The following KLHL31 variants were observed in gnomAD, a reference collection of about 807,000 sequenced individuals.
KLHL31 encodes kelch like family member 31, also known as kelch-like protein 31.
In KLHL31, 32 loss-of-function variants were observed where a neutral mutation model predicts 47.1. That is an observed-to-expected ratio of 0.68 (90% CI 0.51 to 0.91). The LOEUF (loss-of-function observed/expected upper bound fraction) is 0.91, where lower values mean the gene tolerates loss of function less well. Ranked by LOEUF, KLHL31 falls within the 40% of genes least tolerant of loss-of-function variation. KLHL31 has a pLI of 0.00. For synonymous variants in KLHL31, 330 were observed against 325.1 expected (o/e 1.01, Z -0.16); for missense variants, 797 against 819.3 (o/e 0.97, Z 0.33).
intron 1 of KLHL31, among the ~76,000 whole-genome samples, chr6:53,656,103 A>C (rs764443646): frequency 2.0e-4 from 30 of 152,108 alleles, no homozygotes; most frequent in Admixed American, 3.9e-4. Context: ...GAAACCTGTT[A>C]TATTTTAAGA....
rs916938955 is a variant in KLHL31, at chr6:53,651,781, G to C, written c.1722C>G (p.Asn574Lys). The change falls in exon 3 of 3, where the codon AAC (asparagine) becomes AAG (lysine). Residue 574 changes from asparagine to lysine, a missense_variant. Asn to Lys is a moderately conservative substitution (Grantham distance 94). Transcript: ENST00000370905. ...ACTTCTTGTACTTCTTCTCGCCCTC[G>C]TTCCAGCCCCCCACCAGGTAGGCGC... ...HGRAYLVGGWNEGEKKYKKCI... is the reference protein window; with the variant it reads ...HGRAYLVGGWKEGEKKYKKCI... 1 of 1,613,758 alleles carries C rather than the reference G, an allele frequency of 6.2e-7. No individual in the cohort carries two copies.
rs529410338 is a variant in KLHL31, at chr6:53,649,759, C to G, written c.*1839G>C. 2 of 152,258 alleles carry G rather than the reference C, an allele frequency of 1.3e-5. No homozygotes were observed. Among genetic ancestry groups the G allele is most frequent in the South Asian group, 4.1e-4 (2 of 4,826 alleles). The allele number at this position is 152,258 out of a possible 1,614,324, so 9.4% of individuals were successfully genotyped here. On this transcript the variant is annotated 3_prime_UTR_variant, in exon 3 of 3. Coordinates refer to ENST00000370905, the MANE Select transcript of KLHL31 (RefSeq NM_001003760.5). ...CTTTTCTCCAAAAATTAACCATATA[C>G]TATAGGCTTCTCAGTTGTATGAGTG...
chr6:53,660,201 T>TTA (rs925096946), intron 1 of KLHL31, among the ~76,000 whole-genome samples: 4 of 152,024 alleles, frequency 2.6e-5, no homozygotes. Flanking sequence ...ATACATATAT[T>TTA]TATATATATG....
chr6:53,655,232 T>A lies in KLHL31; in HGVS notation c.41A>T (p.Asp14Val), dbSNP rs748693571. 1 of 1,586,832 alleles carries A rather than the reference T, an allele frequency of 6.3e-7. No individual in the cohort carries two copies. Among genetic ancestry groups the A allele is most frequent in the South Asian group, 1.2e-5 (1 of 86,504 alleles). Residue 14 changes from aspartate to valine, a missense_variant, in exon 2 of 3, where the codon GAT (aspartate) becomes GTT (valine). Transcript: ENST00000370905. ...TACGATTATAGTCATCTCATTGATATCTCCTTTGTTCTTTTTGACAATCTT... is the reference window on the plus strand; with the variant it reads ...TACGATTATAGTCATCTCATTGATAACTCCTTTGTTCTTTTTGACAATCTT... Reference protein sequence around the residue: ...KKKIVKKNKGDINEMTIIVED... With the variant: ...KKKIVKKNKGVINEMTIIVED...
rs760499199 is a variant in KLHL31 at position 53,654,120 on chromosome 6, C to T, written c.1153G>A (p.Ala385Thr). Residue 385 changes from alanine to threonine, a missense_variant, in exon 2 of 3, where the codon GCA becomes ACA. Physicochemically the swap from Ala to Thr is moderately conservative, Grantham distance 58. Coordinates refer to ENST00000370905, the MANE Select transcript of KLHL31 (RefSeq NM_001003760.5). The part of the protein sequence containing the change: ...QNDARNQAKH[A>T]VSNFCRYDPR... ...AAGTACCTGCAGAAATTGCTGACTG[C>T]ATGCTTGGCTTGATTTCTTGCATCA... 9.3e-6 allele frequency: 15 copies of T among 1,606,590 alleles called. No homozygotes were observed. The highest frequency in any genetic ancestry group is 1.3e-5 in the Non-Finnish European group (15 of 1,176,138).
chr6:53,659,261 T>C (rs1022744429), intron 1 of KLHL31, among the ~76,000 whole-genome samples: 10 of 152,312 alleles, frequency 6.6e-5, no homozygotes, highest in African/African-American at 2.4e-4. Flanking sequence ...AAAGGGAAGA[T>C]TTCTGGAATG....
rs1174844777 is a variant in KLHL31, at chr6:53,651,490, T to A, written c.*108A>T. 2 of 1,055,760 alleles carry A rather than the reference T, an allele frequency of 1.9e-6. No homozygotes were observed. Among genetic ancestry groups the A allele is most frequent in the Non-Finnish European group, 2.6e-6 (2 of 776,802 alleles). 65.4% of individuals were successfully genotyped at this position (1,055,760 alleles called of 1,614,324 possible). A position where few individuals can be genotyped will look rare whatever the true frequency, so the allele number is the denominator to read the frequency against. On this transcript the variant is annotated 3_prime_UTR_variant, in exon 3 of 3. Transcript: ENST00000370905. ...TGCCTCGACATATTTTACAATACAATCAGTGTAGTAAATGTTAAATATTTT... is the reference window on the plus strand; with the variant it reads ...TGCCTCGACATATTTTACAATACAAACAGTGTAGTAAATGTTAAATATTTT...
chr6:53,653,998 A>C (rs1764515100), intron 2 of KLHL31, 103 bp downstream of exon 2: 3 of 918,728 alleles, frequency 3.3e-6, no homozygotes, highest in Non-Finnish European at 4.9e-6. Context: ...TTGATTTACT[A>C]AGCCAATGGA....
In KLHL31 at chr6:53,654,591, G is replaced by A; in HGVS notation, c.682C>T (p.Pro228Ser). ...ATCTGGAATGCTACTATCTCAGAAG[G>A]CAACTGTAAGTCATCATCTATAAGA... is the stretch of plus-strand genomic sequence containing the variant. ...ELLIDDDLQL[P>S]SEIVAFQIAM... Residue 228 changes from proline (P) to serine (S), a missense_variant, in exon 2 of 3, where the codon CCT (proline) becomes TCT (serine). By Grantham distance (74) the Pro-to-Ser change is moderately conservative. Coordinates refer to ENST00000370905, the MANE Select transcript of KLHL31 (RefSeq NM_001003760.5). The A allele has an allele frequency of 6.2e-7, 1 of 1,614,080 alleles. No homozygotes were observed. Among genetic ancestry groups the A allele is most frequent in the Non-Finnish European group, 8.5e-7 (1 of 1,179,972 alleles).
rs1764489282 is a variant in KLHL31 at position 53,652,343 on chromosome 6, G to A, written c.1173-13C>T. The A allele has an allele frequency of 6.2e-7, 1 of 1,612,846 alleles. No homozygotes were observed. The highest frequency in any genetic ancestry group is 8.5e-7 in the Non-Finnish European group (1 of 1,180,024). On this transcript the variant is annotated splice_polypyrimidine_tract_variant and intron_variant, in intron 2 of 2. Coordinates refer to ENST00000370905, the MANE Select transcript of KLHL31 (RefSeq NM_001003760.5). The stretch of plus-strand genomic sequence containing the variant: ...GCGGGGATCGTATCTGGAAATGATA[G>A]AGAAGGTGTAACAGCTTTGTCGGCG...
rs1457038514 is a variant in KLHL31 at position 53,647,984 on chromosome 6, TTTG to T, written c.*3611_*3613del. 6.6e-6 allele frequency: 1 copy of T among 152,638 alleles called. No homozygotes were observed. Among genetic ancestry groups the T allele is most frequent in the African/African-American group, 2.4e-5 (1 of 41,440 alleles). The allele number at this position is 152,638 out of a possible 1,614,324, so 9.5% of individuals were successfully genotyped here. A position where few individuals can be genotyped will look rare whatever the true frequency, so the allele number is the denominator to read the frequency against. ...CAAAATAACACTACATACATTTTAGTTTGTTGTTCCTTATATAGTACCAGAATG... is the reference window on the plus strand; with the variant it reads ...CAAAATAACACTACATACATTTTAGTTTGTTCCTTATATAGTACCAGAATG... On this transcript the variant is annotated 3_prime_UTR_variant, in exon 3 of 3. Transcript: ENST00000370905.
chr6:53,652,544 C>CCCGTTTATAAGCCTCTCCT, intron 2 of KLHL31: 1 of 607,104 alleles, frequency 1.6e-6, no homozygotes, highest in African/African-American at 1.9e-5. Flanking sequence ...ACCCCTCGCC[C>CCCGTTTATAAGCCTCTCCT]CCGTTTATAA....
rs1277085123 is a variant in KLHL31, at chr6:53,651,346, A to G, written c.*252T>C. On this transcript the variant is annotated 3_prime_UTR_variant, in exon 3 of 3. Coordinates refer to ENST00000370905, the MANE Select transcript of KLHL31 (RefSeq NM_001003760.5). The stretch of plus-strand genomic sequence containing the variant: ...CTATAACGAATTCCGTCTGCCACCC[A>G]GTGGCCGCTGAAATAAATTGTTTCT... The G allele has an allele frequency of 2.8e-6, 1 of 357,662 alleles. No homozygotes were observed. Among genetic ancestry groups the G allele is most frequent in the Admixed American group, 4.7e-5 (1 of 21,108 alleles). 22.2% of individuals were successfully genotyped at this position (357,662 alleles called of 1,614,324 possible). A position where few individuals can be genotyped will look rare whatever the true frequency, so the allele number is the denominator to read the frequency against.
rs1378489001 is a variant in KLHL31, at chr6:53,648,135, C to T, written c.*3463G>A. On this transcript the variant is annotated 3_prime_UTR_variant, in exon 3 of 3. Transcript: ENST00000370905. Reference sequence around the variant, plus strand: ...GAGAGGGCAAATTAAATGGTCTTTACCCAGTGAATGTGCTGGAGGGTAAAT... The same window carrying T: ...GAGAGGGCAAATTAAATGGTCTTTATCCAGTGAATGTGCTGGAGGGTAAAT... 1.3e-5 allele frequency: 2 copies of T among 152,534 alleles called. No individual in the cohort carries two copies. The highest frequency in any genetic ancestry group is 1.9e-4 in the East Asian group (1 of 5,200). The allele number at this position is 152,534 out of a possible 1,614,324, so 9.4% of individuals were successfully genotyped here. A position where few individuals can be genotyped will look rare whatever the true frequency, so the allele number is the denominator to read the frequency against.
chr6:53,651,676 G>T lies in KLHL31; in HGVS notation c.1827C>A (p.Cys609Ter). 6.2e-7 allele frequency: 1 copy of T among 1,614,168 alleles called. No individual in the cohort carries two copies. Among genetic ancestry groups the T allele is most frequent in the Non-Finnish European group, 8.5e-7 (1 of 1,180,036 alleles). ...ELPEATVGVS[C>*]CTLSMPNNVT... ...CGTTGTTGGGCATCGAGAGGGTGCA[G>T]CAGGACACGCCGACAGTGGCCTCGG... Residue 609 changes from cysteine to a stop codon, truncating the protein, a stop_gained, in exon 3 of 3, where the codon TGC becomes TGA. Coordinates refer to ENST00000370905, the MANE Select transcript of KLHL31 (RefSeq NM_001003760.5). LOFTEE classifies it high-confidence loss of function.
In KLHL31 at chr6:53,651,877, G is replaced by C. The variant is rs770650620; in HGVS notation, c.1626C>G (p.Thr542=). The C allele has an allele frequency of 6.3e-7, 1 of 1,597,786 alleles. No homozygotes were observed. Among genetic ancestry groups the C allele is most frequent in the Non-Finnish European group, 8.5e-7 (1 of 1,176,888 alleles). ...VLTVECYSPA[T]GQWSYAAPLQ... is the part of the protein sequence containing the mutation. Reference sequence around the variant, plus strand: ...GCGGCGCCGCGTAGCTCCACTGGCCGGTCGCGGGGCTGTAGCACTCCACGG... The same window carrying C: ...GCGGCGCCGCGTAGCTCCACTGGCCCGTCGCGGGGCTGTAGCACTCCACGG... The change falls in exon 3 of 3, where the codon ACC becomes ACG. Residue 542 remains threonine (T), a synonymous_variant. Transcript: ENST00000370905.
In KLHL31 at chr6:53,655,174, C is replaced by A; in HGVS notation, c.99G>T (p.Leu33Phe). The A allele has an allele frequency of 6.2e-7, 1 of 1,614,072 alleles. No individual in the cohort carries two copies. Among genetic ancestry groups the A allele is most frequent in the Non-Finnish European group, 8.5e-7 (1 of 1,179,978 alleles). Residue 33 changes from leucine (L) to phenylalanine (F), a missense_variant, in exon 2 of 3, where the codon TTG (leucine) becomes TTT (phenylalanine). Coordinates refer to ENST00000370905, the MANE Select transcript of KLHL31 (RefSeq NM_001003760.5). ...CATTGCCTCCCTCTAGGAGCCCATT[C>A]AAAGCATTCAGTTTGTTTAGGGGGC... ...EDSPLNKLNA[L>F]NGLLEGGNGL...
rs754469563 is a variant in KLHL31, at chr6:53,651,843, C to T, written c.1660G>A (p.Gly554Arg). ...QWSYAAPLQV[G>R]VSTAGVSALH... is the part of the protein sequence containing the mutation. ...GCCGAGACGCCCGCAGTGCTCACTC[C>T]CACCTGCAGCGGCGCCGCGTAGCTC... The change falls in exon 3 of 3, where the codon GGA (glycine) becomes AGA (arginine). Residue 554 changes from glycine (G) to arginine (R), a missense_variant. Transcript: ENST00000370905. 6.2e-7 allele frequency: 1 copy of T among 1,607,734 alleles called. No individual in the cohort carries two copies. Among genetic ancestry groups the T allele is most frequent in the South Asian group, 1.1e-5 (1 of 90,968 alleles).
intron 1 of KLHL31, among the ~76,000 whole-genome samples, chr6:53,656,248 C>A (rs1764559333): frequency 6.6e-6 from 1 of 152,052 alleles, no homozygotes; most frequent in South Asian, 2.1e-4. Flanking sequence ...TTAGTTGCTA[C>A]CTCTATAAGA....
Sources: allele counts gnomAD v4.1 joint callset (sites outside exome capture counted in the v4.1 genomes callset), GRCh38; gene constraint gnomAD v4.1.1; transcripts MANE v1.5; gene names NCBI Gene and HGNC (gene_info 2026-07-23, HGNC 2026-07-21).